The following PRDM11 variants were observed in gnomAD, a reference collection of about 807,000 sequenced individuals.
PRDM11 encodes the protein PR domain-containing protein 11.
Under a neutral mutation model 97.8 loss-of-function variants are expected in PRDM11, and 20 were observed. That is an observed-to-expected ratio of 0.20 (90% CI 0.14 to 0.30). The LOEUF is 0.30. Ranked by LOEUF, PRDM11 falls within the 10% of genes least tolerant of loss-of-function variation. The pLI is 1.00. For missense variants in PRDM11, 1,139 were observed against 1,555.2 expected (o/e 0.73, Z 4.50); for synonymous variants, 599 against 637.7 (o/e 0.94, Z 0.91).
At chr11:45,216,260 G>T (rs1365180251) in intron 5 of PRDM11, 1 of 152,262 alleles carries the variant, frequency 6.6e-6, no homozygotes, top group Non-Finnish European at 1.5e-5. Flanking sequence ...AACAGTCTCA[G>T]CCAGGCATTC....
chr11:45,131,590 T>C (rs1337650806), intron 1 of PRDM11, among the ~76,000 whole-genome samples: 2 of 152,192 alleles, frequency 1.3e-5, no homozygotes, highest in South Asian at 2.1e-4. Context: ...TTATGTATAA[T>C]GGCAAAAACT....
At chr11:45,135,167 T>A (rs1852814764) in intron 1 of PRDM11, among the ~76,000 whole-genome samples, 1 of 151,746 alleles carries the variant, frequency 6.6e-6, no homozygotes, top group Admixed American at 6.6e-5. Context: ...AAAATAGGAA[T>A]AAAAGGACAT....
At chr11:45,129,512 A>T (rs1350802717) in intron 1 of PRDM11, among the ~76,000 whole-genome samples, 2 of 152,184 alleles carry the variant, frequency 1.3e-5, no homozygotes, top group African/African-American at 4.8e-5. Context: ...ACAAATTGGA[A>T]ATAGAACCTT....
intron 1 of PRDM11, among the ~76,000 whole-genome samples, chr11:45,107,110 G>C (rs1036813054): frequency 6.6e-6 from 1 of 152,192 alleles, no homozygotes; most frequent in Non-Finnish European, 1.5e-5. Flanking sequence ...GCACCCACCT[G>C]GTGTTTAGGG....
chr11:45,153,833 A>G (rs1851721328), intron 1 of PRDM11, among the ~76,000 whole-genome samples: 1 of 152,188 alleles, frequency 6.6e-6, no homozygotes, highest in Admixed American at 6.5e-5. Context: ...TAGAAGGAAC[A>G]TGTATGGAGC....
intron 1 of PRDM11, among the ~76,000 whole-genome samples, chr11:45,117,243 A>AG (rs1485753180): frequency 3.3e-5 from 5 of 151,836 alleles, no homozygotes; most frequent in African/African-American, 1.2e-4. Context: ...AAAAAAAAAA[A>AG]AAAAGAGTTC....
At position 45,233,105 on chromosome 11, in the gene PRDM11, ATAAT is replaced by A. The variant is rs1854431278; in HGVS notation, c.*4947_*4950del. 2 of 152,354 alleles carry A rather than the reference ATAAT, an allele frequency of 1.3e-5. No individual in the cohort carries two copies. The highest frequency in any genetic ancestry group is 4.1e-4 in the South Asian group (2 of 4,832). The allele number at this position is 152,354 out of a possible 1,614,324, so 9.4% of individuals were successfully genotyped here. On this transcript the variant is annotated 3_prime_UTR_variant, in exon 8 of 8. Coordinates refer to ENST00000683152, the MANE Select transcript of PRDM11 (RefSeq NM_001384648.1). ...GTAAATCACGTCTATATATCTATAA[ATAAT>A]ATCCTATATATTTATACATTTCTAT...
intron 5 of PRDM11, chr11:45,213,173 T>C: frequency 2.2e-6 from 1 of 456,668 alleles, no homozygotes; most frequent in Non-Finnish European, 4.4e-6. Context: ...TGTTACCTCC[T>C]CACCGAGCGC....
intron 1 of PRDM11, among the ~76,000 whole-genome samples, chr11:45,157,369 G>T (rs1464678731): frequency 6.6e-6 from 1 of 152,114 alleles, no homozygotes; most frequent in African/African-American, 2.4e-5. Flanking sequence ...TTCACGGTAG[G>T]GTTCGCGTCC....
intron 5 of PRDM11, chr11:45,212,343 AAACTAG>A: frequency 3.0e-6 from 1 of 336,292 alleles, no homozygotes; most frequent in East Asian, 8.2e-5. Context: ...GGCGGGGGCC[AAACTAG>A]ACCGCAGGGT....
chr11:45,103,074 T>C lies in PRDM11; in HGVS notation c.96+7173T>C, dbSNP rs558824258. Among the ~76,000 whole-genome samples the C allele has an allele frequency of 2.3e-4, 35 of 152,272 alleles. 1 individual carries two copies. The highest frequency in any genetic ancestry group is 8.4e-4 in the African/African-American group (35 of 41,554). The stretch of plus-strand genomic sequence containing the variant: ...CTCTCTACTCCCAGCCCAGTGCTCA[T>C]ATAATCGTGAGCCCTAGCCTTGCAT... On this transcript the variant is annotated intron_variant, in intron 1 of 6. Transcript: ENST00000530656.
chr11:45,137,743 G>A (rs1039522001), intron 1 of PRDM11, among the ~76,000 whole-genome samples: 3 of 152,198 alleles, frequency 2.0e-5, no homozygotes, highest in Non-Finnish European at 4.4e-5. Context: ...GTAAGACCCT[G>A]TAAAGAAAGA....
At chr11:45,140,716 T>C (rs1169169516) in intron 1 of PRDM11, among the ~76,000 whole-genome samples, 7 of 151,928 alleles carry the variant, frequency 4.6e-5, no homozygotes, top group African/African-American at 1.7e-4. Flanking sequence ...TGAAGGTCTC[T>C]CAGGTTTAGG....
intron 1 of PRDM11, among the ~76,000 whole-genome samples, chr11:45,112,202 C>T (rs1450732699): frequency 6.6e-6 from 1 of 152,208 alleles, no homozygotes; most frequent in Non-Finnish European, 1.5e-5. Flanking sequence ...CAATATTTGG[C>T]TCTCCATTCC....
intron 5 of PRDM11, 148 bp downstream of exon 5, chr11:45,204,926 C>A: frequency 1.3e-6 from 1 of 782,990 alleles, no homozygotes; most frequent in Non-Finnish European, 2.1e-6. Flanking sequence ...CTCTGAAGGA[C>A]CCACCTTTTC....
intron 1 of PRDM11, among the ~76,000 whole-genome samples, chr11:45,177,477 C>T (rs1852356821): frequency 6.6e-6 from 1 of 152,202 alleles, no homozygotes; most frequent in Non-Finnish European, 1.5e-5. Context: ...CAGTGAAGGA[C>T]ACCAGCACAT....
At chr11:45,209,814 GCT>G (rs1828544007) in intron 5 of PRDM11, among the ~76,000 whole-genome samples, 1 of 152,220 alleles carries the variant, frequency 6.6e-6, no homozygotes, top group Non-Finnish European at 1.5e-5. Flanking sequence ...TTATGTAGCA[GCT>G]CTGTCTGAGA....
In PRDM11 at chr11:45,146,758, C is replaced by G. The variant is rs923129295; in HGVS notation, c.-126C>G. ...TTGCCTCGCCGGGGACCAGCGCGCC[C>G]GCAGCGCGGCCGCTCCCTCCGCGGG... is the stretch of plus-strand genomic sequence containing the variant. On this transcript the variant is annotated 5_prime_UTR_variant, in exon 1 of 8. Transcript: ENST00000683152. 7 of 147,614 alleles carry G rather than the reference C, an allele frequency of 4.7e-5. No homozygotes were observed. Among genetic ancestry groups the G allele is most frequent in the Admixed American group, 4.0e-4 (6 of 14,854 alleles). The allele number at this position is 147,614 out of a possible 1,614,324, so 9.1% of individuals were successfully genotyped here.
chr11:45,212,698 G>A (rs1417023630), intron 5 of PRDM11: 3 of 455,322 alleles, frequency 6.6e-6, no homozygotes, highest in South Asian at 1.6e-5. Flanking sequence ...CACCCACCAC[G>A]GGCCTTGACT....
Sources: gnomAD v4.1 joint callset for allele counts (sites outside exome capture counted in the v4.1 genomes callset) on GRCh38, gnomAD v4.1.1 for gene constraint, MANE v1.5 for transcripts, NCBI Gene and HGNC (gene_info 2026-07-23, HGNC 2026-07-21) for gene names.